Variants in SMIM27 observed in about 807,000 individuals in gnomAD.
SMIM27 encodes transition zone microprotein 1.
SMIM27 carries 3 observed loss-of-function variants against 1.8 expected under a neutral mutation model. That is an observed-to-expected ratio of 1.65 (90% CI 0.75 to 4.28). The LOEUF (loss-of-function observed/expected upper bound fraction) is 4.28. SMIM27 is among the 30% of genes most tolerant of loss of function. The probability of loss-of-function intolerance (pLI) is 0.02; values close to 1 mark genes in which losing one functional copy is unlikely to be tolerated. For synonymous variants in SMIM27, 19 were observed against 13.9 expected, an observed-to-expected ratio of 1.37 and a Z score of -0.82; for missense variants, 63 against 37.0, an observed-to-expected ratio of 1.70 and a Z score of -1.83.
exon 2 of SMIM27, chr9:32,566,416 C>G: frequency 1.1e-6 from 1 of 876,164 alleles, no homozygotes; most frequent in Non-Finnish European, 2.0e-6. Context: ...GAGGAGCCTG[C>G]TCTCCCTGTT....
downstream of SMIM27, among the ~76,000 whole-genome samples, chr9:32,555,357 TCAAA>T (rs946132684): frequency 6.6e-6 from 1 of 152,094 alleles, no homozygotes; most frequent in African/African-American, 2.4e-5. Context: ...CCAATAAAAC[TCAAA>T]CAGAGGGACA....
chr9:32,564,114 T>G (rs1308133801), intron 1 of SMIM27, among the ~76,000 whole-genome samples: 1 of 152,218 alleles, frequency 6.6e-6, no homozygotes. Flanking sequence ...TGGACATAGC[T>G]AGAGAATATG....
chr9:32,559,020 G>A (rs1821554777), intron 1 of SMIM27: 3 of 1,141,466 alleles, frequency 2.6e-6, no homozygotes, highest in Non-Finnish European at 3.8e-6. Flanking sequence ...TAAGAAATAG[G>A]TCATACCCCA....
chr9:32,566,765 G>A lies in SMIM27; in HGVS notation c.*312G>A, dbSNP rs552680934. ...ACAGCGGGTCCTCAGCCCGGGTGTC[G>A]GCTGCGACGTTCTGGCTGACGTTGT... On this transcript the variant is annotated 3_prime_UTR_variant, in exon 2 of 2. Transcript: ENST00000451672. The A allele has an allele frequency of 1.5e-3, 1,365 of 902,110 alleles. 2 individuals carry two copies. The highest frequency in any genetic ancestry group is 2.0e-3 in the South Asian group (155 of 76,466). 55.9% of individuals were successfully genotyped at this position (902,110 alleles called of 1,614,324 possible).
upstream of SMIM27, chr9:32,551,240 A>C: frequency 1.7e-6 from 1 of 581,710 alleles, no homozygotes; most frequent in East Asian, 2.9e-5. Context: ...TTCGCCCCTA[A>C]CTTACCCGGA....
Position 32,552,407 on chromosome 9 carries a change from T to G in SMIM27, c.-28T>G, listed in dbSNP as rs759172519. On this transcript the variant is annotated 5_prime_UTR_variant, in exon 1 of 2. Coordinates refer to ENST00000692500, the MANE Select transcript of SMIM27 (RefSeq NM_001387564.1). ...TGTAAGGCCCGCAGCTCCCGCCAGC[T>G]CCCGCGGACTGCTGCCGCCTCCTTA... is the stretch of plus-strand genomic sequence containing the variant. 1.2e-6 allele frequency: 2 copies of G among 1,608,384 alleles called. No homozygotes were observed. Among genetic ancestry groups the G allele is most frequent in the Non-Finnish European group, 1.7e-6 (2 of 1,177,930 alleles).
chr9:32,559,170 G>A (rs555664320), intron 1 of SMIM27, among the ~76,000 whole-genome samples: 1 of 152,074 alleles, frequency 6.6e-6, no homozygotes, highest in Admixed American at 6.5e-5. Context: ...TCCCCAAACT[G>A]TTCCTCCCCA....
At chr9:32,551,972 G>A (rs937245196), upstream of SMIM27, among the ~76,000 whole-genome samples, 4 of 150,580 alleles carry the variant, frequency 2.7e-5, no homozygotes, top group African/African-American at 9.7e-5. Flanking sequence ...AAATCGTGTG[G>A]TATCAGATGC....
intron 1 of SMIM27, among the ~76,000 whole-genome samples, chr9:32,562,829 T>A (rs1298579798): frequency 7.9e-5 from 12 of 152,324 alleles, no homozygotes; most frequent in Admixed American, 6.5e-4. Flanking sequence ...ACATGACATG[T>A]TCTCCATTGA....
chr9:32,552,346 C>A lies in SMIM27; in HGVS notation c.-89C>A, dbSNP rs1405901555. On this transcript the variant is annotated 5_prime_UTR_variant, in exon 1 of 2. The change creates a new upstream start codon in the 5' untranslated region. Coordinates refer to ENST00000692500, the MANE Select transcript of SMIM27 (RefSeq NM_001387564.1). ...GCGCTCGTGCCCGGCTAAAAGATGG[C>A]TGCTGGCGCCTGGCAGCCACCGCCT... 1.3e-6 allele frequency: 2 copies of A among 1,553,280 alleles called. No homozygotes were observed. The highest frequency in any genetic ancestry group is 2.7e-5 in the African/African-American group (2 of 73,580).
At chr9:32,559,657 T>C (rs1563993208) in intron 1 of SMIM27, among the ~76,000 whole-genome samples, 1 of 152,314 alleles carries the variant, frequency 6.6e-6, no homozygotes, top group East Asian at 1.9e-4. Flanking sequence ...CTTCATTTCA[T>C]TTATGTTTGT....
chr9:32,558,803 G>T (rs111261393), intron 1 of SMIM27: 2 of 757,368 alleles, frequency 2.6e-6, no homozygotes, highest in Non-Finnish European at 2.1e-6. Flanking sequence ...GACTTAAACC[G>T]AAAGTGAGAA....
chr9:32,552,477 G>A lies in SMIM27; in HGVS notation c.43G>A (p.Val15Met). 6.3e-7 allele frequency: 1 copy of A among 1,596,744 alleles called. No homozygotes were observed. Among genetic ancestry groups the A allele is most frequent in the Non-Finnish European group, 8.5e-7 (1 of 1,172,176 alleles). ...SRRTLDWIYS[V>M]LLLAIVLISW... ...TCGCACGCTGGACTGGATTTATTCA[G>A]TGGTAAGTCCCGGGGATCGCGGGCC... The change falls in exon 1 of 2, where the codon GTG becomes ATG. Residue 15 changes from valine to methionine, a missense_variant and splice_region_variant. Physicochemically the swap from Val to Met is conservative, Grantham distance 21. Coordinates refer to ENST00000692500, the MANE Select transcript of SMIM27 (RefSeq NM_001387564.1).
chr9:32,564,440 TTTC>T (rs1434177332), intron 1 of SMIM27, among the ~76,000 whole-genome samples: 1 of 152,208 alleles, frequency 6.6e-6, no homozygotes, highest in African/African-American at 2.4e-5. Flanking sequence ...CAGTGCCATT[TTTC>T]TTTTTTCTGA....
At chr9:32,556,892 C>T (rs1392349227), downstream of SMIM27, among the ~76,000 whole-genome samples, 1 of 130,070 alleles carries the variant, frequency 7.7e-6, no homozygotes, top group Admixed American at 9.2e-5. Context: ...TGCTCTGTCG[C>T]TAAGGCTGGA....
rs772282421 is a variant in SMIM27 at position 32,552,956 on chromosome 9, T to C, written c.*33T>C. 2.4e-4 allele frequency: 163 copies of C among 689,230 alleles called. No homozygotes were observed. Among genetic ancestry groups the C allele is most frequent in the Non-Finnish European group, 3.7e-4 (142 of 379,186 alleles). 42.7% of individuals were successfully genotyped at this position (689,230 alleles called of 1,614,324 possible). A position where few individuals can be genotyped will look rare whatever the true frequency, so the allele number is the denominator to read the frequency against. ...GGATTTAATTATCTGAAAATACAGT[T>C]CTTTCCCTCATGCTTATGTAGATAT... is the stretch of plus-strand genomic sequence containing the variant. On this transcript the variant is annotated 3_prime_UTR_variant, in exon 2 of 2. Coordinates refer to ENST00000692500, the MANE Select transcript of SMIM27 (RefSeq NM_001387564.1).
chr9:32,566,082 A>G, intron 1 of SMIM27: 1 of 437,164 alleles, frequency 2.3e-6, no homozygotes, highest in Non-Finnish European at 4.1e-6. Flanking sequence ...AAAAAAAAAA[A>G]AGGCACCTGT....
chr9:32,562,010 C>G (rs752082889), intron 1 of SMIM27, among the ~76,000 whole-genome samples: 1 of 152,174 alleles, frequency 6.6e-6, no homozygotes, highest in Non-Finnish European at 1.5e-5. Context: ...CTTCCCATTG[C>G]CTATCACATG....
downstream of SMIM27, chr9:32,553,160 CA>C (rs1271328275): frequency 8.0e-6 from 3 of 375,984 alleles, no homozygotes; most frequent in African/African-American, 2.1e-5. Flanking sequence ...ATAAGCTTTT[CA>C]ATCAAGTTTC....
Sources: gnomAD v4.1 joint callset for allele counts (sites outside exome capture counted in the v4.1 genomes callset) on GRCh38, gnomAD v4.1.1 for gene constraint, MANE v1.5 for transcripts, NCBI Gene and HGNC (gene_info 2026-07-23, HGNC 2026-07-21) for gene names.